GRIP1: variants seen among roughly 807,000 people sequenced by gnomAD.
GRIP1 encodes the protein glutamate receptor-interacting protein 1.
A neutral mutation model predicts 129.9 loss-of-function variants in GRIP1; 45 were observed. That is an observed-to-expected ratio of 0.35 (90% CI 0.27 to 0.44). The LOEUF is 0.44. Ranked by LOEUF, GRIP1 falls within the 20% of genes least tolerant of loss-of-function variation. The pLI is 1.00. For synonymous variants in GRIP1, 530 were observed against 520.8 expected (o/e 1.02, Z -0.24); for missense variants, 1,196 against 1,396.8 (o/e 0.86, Z 2.29).
intron 1 of GRIP1, among the ~76,000 whole-genome samples, chr12:66,860,859 C>T (rs922790510): frequency 6.6e-6 from 1 of 152,028 alleles, no homozygotes; most frequent in African/African-American, 2.4e-5. Flanking sequence ...GAACGACATG[C>T]TAGTTTTCTT....
At chr12:66,639,298 CCTT>C (rs2031707698) in intron 1 of GRIP1, among the ~76,000 whole-genome samples, 1 of 151,974 alleles carries the variant, frequency 6.6e-6, no homozygotes. Context: ...ATTAGGGAGA[CCTT>C]CTGGAAGAGG....
Position 67,023,514 on chromosome 12 carries a change from T to C in GRIP1, c.58+45536A>G, listed in dbSNP as rs535753810. On this transcript the variant is annotated intron_variant, in intron 1 of 1. Coordinates refer to the GRIP1 transcript ENST00000643019. ...TGTCTTCTTGATGCTGATACCATAC[T>C]GTCTTGATTATTGCAGCTTTATGAT... Among the ~76,000 whole-genome samples the C allele has an allele frequency of 2.0e-5, 3 of 152,360 alleles. No homozygotes were observed. In the South Asian group the frequency reaches 6.2e-4, roughly 32 times the overall value.
chr12:66,684,872 C>T (rs746492504), intron 1 of GRIP1, among the ~76,000 whole-genome samples: 33 of 152,020 alleles, frequency 2.2e-4, no homozygotes, highest in Non-Finnish European at 2.9e-4. Flanking sequence ...TGGAACAAAA[C>T]GAAACGAAAC....
chr12:66,612,962 CAG>C (rs1379958856), intron 1 of GRIP1, among the ~76,000 whole-genome samples: 2 of 152,146 alleles, frequency 1.3e-5, no homozygotes, highest in Non-Finnish European at 2.9e-5. Flanking sequence ...ATCCAAACAA[CAG>C]AGAATCAGAA....
chr12:66,517,742 T>C (rs1411048533), intron 6 of GRIP1, among the ~76,000 whole-genome samples, 159 bp downstream of exon 6: 1 of 152,216 alleles, frequency 6.6e-6, no homozygotes, highest in African/African-American at 2.4e-5. Flanking sequence ...ACCTTTTTTT[T>C]TTCTGATTCC....
intron 1 of GRIP1, among the ~76,000 whole-genome samples, chr12:67,004,387 T>A (rs1437504200): frequency 6.6e-6 from 1 of 152,190 alleles, no homozygotes; most frequent in Non-Finnish European, 1.5e-5. Context: ...GTGAAGGATT[T>A]GAGATTCTAA....
intron 1 of GRIP1, among the ~76,000 whole-genome samples, chr12:67,051,559 C>T (rs1425883689): frequency 6.6e-6 from 1 of 152,106 alleles, no homozygotes; most frequent in East Asian, 1.9e-4. Flanking sequence ...GAAGGGGTTC[C>T]CTGTATATTT....
chr12:66,815,609 G>A (rs1048315052), intron 1 of GRIP1, among the ~76,000 whole-genome samples: 1 of 151,782 alleles, frequency 6.6e-6, no homozygotes, highest in Admixed American at 6.6e-5. Flanking sequence ...AAAAATAAAA[G>A]AAAAATTAGC....
chr12:66,744,411 A>G (rs1382405968), intron 1 of GRIP1, among the ~76,000 whole-genome samples: 1 of 152,098 alleles, frequency 6.6e-6, no homozygotes, highest in East Asian at 1.9e-4. Flanking sequence ...ATAATGCCCT[A>G]TATGTCCTAC....
chr12:66,456,375 AAAAC>A (rs1457692485), intron 9 of GRIP1, 33 bp from the exon 10 acceptor site: 2 of 1,222,248 alleles, frequency 1.6e-6, no homozygotes, highest in South Asian at 1.3e-5. Flanking sequence ...AAAAATAAGA[AAAAC>A]AAACGAACAA....
intron 1 of GRIP1, among the ~76,000 whole-genome samples, chr12:67,030,419 C>T (rs1244046632): frequency 5.3e-5 from 8 of 152,088 alleles, no homozygotes; most frequent in South Asian, 2.1e-4. Flanking sequence ...CATCTCTCTG[C>T]GGCAACATAA....
At chr12:66,695,940 C>T (rs973135444) in intron 1 of GRIP1, among the ~76,000 whole-genome samples, 5 of 152,028 alleles carry the variant, frequency 3.3e-5, no homozygotes, top group South Asian at 2.1e-4. Flanking sequence ...TGAAGGATAA[C>T]TAAGAGTCTG....
chr12:66,479,290 C>G (rs74588011), intron 7 of GRIP1, among the ~76,000 whole-genome samples: 4,217 of 152,108 alleles, frequency 0.028, 176 homozygotes, highest in African/African-American at 0.093. Flanking sequence ...ACTATAAATA[C>G]CTCTATACAA....
chr12:66,976,729 T>C (rs1461811991), intron 1 of GRIP1, among the ~76,000 whole-genome samples: 1 of 152,188 alleles, frequency 6.6e-6, no homozygotes, highest in Non-Finnish European at 1.5e-5. Flanking sequence ...AATACAAAGG[T>C]TGAGTAAGTA....
intron 13 of GRIP1, among the ~76,000 whole-genome samples, chr12:66,442,388 G>A (rs564383137): frequency 4.4e-4 from 67 of 152,170 alleles, no homozygotes; most frequent in Non-Finnish European, 7.1e-4. Context: ...AGGCTTACCC[G>A]TCTCAGCTTT....
At position 66,746,995 on chromosome 12, in the gene GRIP1, T is replaced by C. The variant is rs182268004; in HGVS notation, c.-420+57058A>G. Among the ~76,000 whole-genome samples, 731 of 152,300 alleles carry C rather than the reference T, an allele frequency of 4.8e-3. 4 individuals carry two copies. The highest frequency in any genetic ancestry group is 8.4e-3 in the Admixed American group (128 of 15,298). ...AATTAAGCCACATTCATCTGAGTTA[T>C]GGCAATAATGGTGATGAGAGGTTGA... On this transcript the variant is annotated intron_variant, in intron 1 of 4. Coordinates refer to the GRIP1 transcript ENST00000538373.
chr12:66,470,443 T>C (rs77978609), intron 7 of GRIP1, among the ~76,000 whole-genome samples: 1 of 47,662 alleles, frequency 2.1e-5, no homozygotes, highest in East Asian at 4.7e-4. Context: ...CCTACTTTTT[T>C]TTTTTTTTAA....
intron 7 of GRIP1, among the ~76,000 whole-genome samples, chr12:66,488,805 C>A (rs752022107): frequency 6.6e-6 from 1 of 152,246 alleles, no homozygotes; most frequent in South Asian, 2.1e-4. Context: ...CTGACCCCCA[C>A]AGAAATACAA....
At chr12:66,559,989 G>C (rs920729522) in intron 2 of GRIP1, among the ~76,000 whole-genome samples, 4 of 152,056 alleles carry the variant, frequency 2.6e-5, no homozygotes, top group Non-Finnish European at 5.9e-5. Context: ...CAATGGAACA[G>C]AACAGAGAAC....
Sources: allele counts gnomAD v4.1 joint callset (sites outside exome capture counted in the v4.1 genomes callset), GRCh38; gene constraint gnomAD v4.1.1; transcripts MANE v1.5; gene names NCBI Gene and HGNC (gene_info 2026-07-23, HGNC 2026-07-21).